The following MRPL42 variants were observed in gnomAD, a reference collection of about 807,000 sequenced individuals.
MRPL42 encodes the protein mitochondrial ribosomal protein L42, also known as large ribosomal subunit protein mL42.
Under a neutral mutation model 17.9 loss-of-function variants are expected in MRPL42, and 17 were observed. That is an observed-to-expected ratio of 0.95 (90% CI 0.65 to 1.42). MRPL42 has a LOEUF of 1.42. Ranked by LOEUF, MRPL42 falls within the 40% of genes most tolerant of loss-of-function variation. The probability of loss-of-function intolerance (pLI) is 0.00; values close to 1 mark genes in which losing one functional copy is unlikely to be tolerated. For missense variants in MRPL42, 177 were observed against 175.2 expected (o/e 1.01, Z -0.06); for synonymous variants, 59 against 54.4 (o/e 1.08, Z -0.37).
intron 3 of MRPL42, 33 bp from the exon 4 acceptor site, chr12:93,479,355 A>G: frequency 1.1e-5 from 17 of 1,491,350 alleles, no homozygotes; most frequent in Non-Finnish European, 1.6e-5. Context: ...TGAATACAGT[A>G]TAACTTTATT....
In MRPL42 at chr12:93,488,366, G is replaced by A. The variant is rs140729528; in HGVS notation, c.383+706G>A. The A allele has an allele frequency of 2.3e-3, 902 of 398,376 alleles. 12 individuals carry two copies. Among genetic ancestry groups the A allele is most frequent in the African/African-American group, 0.016 (792 of 48,696 alleles). The allele number at this position is 398,376 out of a possible 1,614,324, so 24.7% of individuals were successfully genotyped here. A position where few individuals can be genotyped will look rare whatever the true frequency, so the allele number is the denominator to read the frequency against. On this transcript the variant is annotated intron_variant, in intron 5 of 5. Transcript: ENST00000549982. ...CAAGTGATCCTCCTCCCTCAGCTGG[G>A]ATTGTAAGAATGAGCCACTGCCACT...
chr12:93,500,781 C>T (rs1953576189), intron 5 of MRPL42: 1 of 153,612 alleles, frequency 6.5e-6, no homozygotes, highest in African/African-American at 2.4e-5. Flanking sequence ...AAAACTATTT[C>T]AAATGCTTAA....
At chr12:93,491,077 G>C (rs748270808) in intron 5 of MRPL42, among the ~76,000 whole-genome samples, 2 of 151,930 alleles carry the variant, frequency 1.3e-5, no homozygotes, top group Non-Finnish European at 1.5e-5. Context: ...TTTTAGTAGA[G>C]ACGGGGTTTC....
chr12:93,469,465 C>T (rs1021498619), intron 2 of MRPL42, 110 bp downstream of exon 2: 2 of 748,784 alleles, frequency 2.7e-6, no homozygotes, highest in South Asian at 1.9e-5. Flanking sequence ...GTGTTTGCAG[C>T]AATGGAAAGT....
At chr12:93,488,746 G>A (rs1953358503) in intron 5 of MRPL42, among the ~76,000 whole-genome samples, 1 of 152,012 alleles carries the variant, frequency 6.6e-6, no homozygotes, top group Admixed American at 6.6e-5. Flanking sequence ...CCTGCCATTT[G>A]ACTCTGGCAT....
In MRPL42 at chr12:93,509,040, T is replaced by C. The variant is rs1953699451; in HGVS notation, c.*7819T>C. The C allele has an allele frequency of 6.6e-6, 1 of 151,806 alleles. No individual in the cohort carries two copies. Among genetic ancestry groups the C allele is most frequent in the African/African-American group, 2.4e-5 (1 of 41,268 alleles). The allele number at this position is 151,806 out of a possible 1,614,324, so 9.4% of individuals were successfully genotyped here. On this transcript the variant is annotated 3_prime_UTR_variant, in exon 6 of 6. Transcript: ENST00000549982. ...CCGTCTCTACTAAAAATGCAAAAAT[T>C]AGCTGGGTGTGGTGGCAGGCATCTG... is the stretch of plus-strand genomic sequence containing the variant.
At chr12:93,488,549 G>A in intron 5 of MRPL42, 1 of 338,008 alleles carries the variant, frequency 3.0e-6, no homozygotes, top group Non-Finnish European at 5.3e-6. Flanking sequence ...TGTTGTTTTT[G>A]TTCATTTTCC....
At chr12:93,475,848 G>T (rs1019737284) in intron 2 of MRPL42, among the ~76,000 whole-genome samples, 1 of 151,928 alleles carries the variant, frequency 6.6e-6, no homozygotes, top group Non-Finnish European at 1.5e-5. Context: ...GCCAGGCGTG[G>T]TGGGGGCCTG....
At chr12:93,495,458 C>A (rs530003147) in intron 5 of MRPL42, among the ~76,000 whole-genome samples, 3 of 152,146 alleles carry the variant, frequency 2.0e-5, no homozygotes, top group African/African-American at 7.2e-5. Flanking sequence ...TGGTCTCCAA[C>A]TGCTGGGCTC....
chr12:93,479,479 A>G lies in MRPL42; in HGVS notation c.219+7A>G. 6.3e-7 allele frequency: 1 copy of G among 1,593,392 alleles called. No individual in the cohort carries two copies. On this transcript the variant is annotated splice_region_variant and intron_variant, in intron 4 of 5. Transcript: ENST00000549982. Reference sequence around the variant, plus strand: ...TCCATATGAACACACAAAAGTATGTATGAGAAAATTTCTTGCAGTTTTTAA... The same window carrying G: ...TCCATATGAACACACAAAAGTATGTGTGAGAAAATTTCTTGCAGTTTTTAA...
At position 93,504,695 on chromosome 12, in the gene MRPL42, C is replaced by T. The variant is rs889621333; in HGVS notation, c.*3474C>T. The T allele has an allele frequency of 5.9e-5, 9 of 152,188 alleles. No individual in the cohort carries two copies. The highest frequency in any genetic ancestry group is 5.2e-4 in the Admixed American group (8 of 15,266). The allele number at this position is 152,188 out of a possible 1,614,324, so 9.4% of individuals were successfully genotyped here. A position where few individuals can be genotyped will look rare whatever the true frequency, so the allele number is the denominator to read the frequency against. On this transcript the variant is annotated 3_prime_UTR_variant, in exon 6 of 6. Coordinates refer to ENST00000549982, the MANE Select transcript of MRPL42 (RefSeq NM_014050.4). Reference sequence around the variant, plus strand: ...TTACCATAATGTGTTTCTTCTACCTCCCCTGCACAACATTGTTTATATGCC... The same window carrying T: ...TTACCATAATGTGTTTCTTCTACCTTCCCTGCACAACATTGTTTATATGCC...
chr12:93,479,106 A>G (rs113148763), intron 3 of MRPL42, among the ~76,000 whole-genome samples: 1,875 of 151,268 alleles, frequency 0.012, 44 homozygotes, highest in African/African-American at 0.043. Flanking sequence ...TAATATTTGT[A>G]TTTTTAGTAG....
chr12:93,512,726 G>A lies in MRPL42; in HGVS notation c.*11505G>A, dbSNP rs1953735964. ...GTGATTGTCTTGATATTGCACATCT[G>A]TAAGAAGTAATCAAACTATTGTGAA... On this transcript the variant is annotated 3_prime_UTR_variant, in exon 6 of 6. Transcript: ENST00000549982. 1.3e-5 allele frequency: 2 copies of A among 152,198 alleles called. No individual in the cohort carries two copies. Among genetic ancestry groups the A allele is most frequent in the Non-Finnish European group, 2.9e-5 (2 of 68,040 alleles). The allele number at this position is 152,198 out of a possible 1,614,324, so 9.4% of individuals were successfully genotyped here.
In MRPL42 at chr12:93,487,530, G is replaced by A; in HGVS notation, c.253G>A (p.Glu85Lys). 1.9e-6 allele frequency: 3 copies of A among 1,613,834 alleles called. No individual in the cohort carries two copies. The highest frequency in any genetic ancestry group is 2.5e-6 in the Non-Finnish European group (3 of 1,179,840). Residue 85 changes from glutamate (E) to lysine (K), a missense_variant, in exon 5 of 6, where the codon GAA (glutamate) becomes AAA (lysine). Glu to Lys is a moderately conservative substitution (Grantham distance 56, BLOSUM62 1). Coordinates refer to ENST00000549982, the MANE Select transcript of MRPL42 (RefSeq NM_014050.4). ...IPRPDPVHNN[E>K]ETHDQVLKTR... ...TCGGCCAGATCCTGTGCATAATAAT[G>A]AAGAAACACATGATCAAGTGCTGAA...
intron 5 of MRPL42, among the ~76,000 whole-genome samples, chr12:93,491,362 C>T (rs542154670): frequency 1.3e-4 from 20 of 152,220 alleles, no homozygotes; most frequent in Admixed American, 1.2e-3. Context: ...TTTTCATGTG[C>T]TTATTGGCCA....
At chr12:93,495,520 A>G (rs143592512) in intron 5 of MRPL42, among the ~76,000 whole-genome samples, 2 of 152,232 alleles carry the variant, frequency 1.3e-5, no homozygotes, top group African/African-American at 4.8e-5. Flanking sequence ...CAAGCTTGTA[A>G]TCCTGGCCCA....
At chr12:93,479,155 T>C (rs1286995739) in intron 3 of MRPL42, among the ~76,000 whole-genome samples, 1 of 151,424 alleles carries the variant, frequency 6.6e-6, no homozygotes. Flanking sequence ...ACTCCTGACC[T>C]CAAGCAATCT....
At chr12:93,470,578 TAGTACCC>T (rs1565807840) in intron 2 of MRPL42, 3 of 1,253,254 alleles carry the variant, frequency 2.4e-6, no homozygotes, top group Non-Finnish European at 3.1e-6. Context: ...ATAGTGAACA[TAGTACCC>T]AATAGGTAGT....
intron 1 of MRPL42, 100 bp from the exon 2 acceptor site, chr12:93,469,092 A>C (rs1879775505): frequency 4.0e-6 from 2 of 498,438 alleles, no homozygotes; most frequent in African/African-American, 4.0e-5. Flanking sequence ...GCATTGCTTC[A>C]GTTGACTTCT....
Sources: gnomAD v4.1 joint callset for allele counts (sites outside exome capture counted in the v4.1 genomes callset) on GRCh38, gnomAD v4.1.1 for gene constraint, MANE v1.5 for transcripts, NCBI Gene and HGNC (gene_info 2026-07-23, HGNC 2026-07-21) for gene names.